Variants in MCTP2 observed in about 807,000 individuals in gnomAD.
The protein encoded by MCTP2 is multiple C2 and transmembrane domain containing 2.
Under a neutral mutation model 111.6 loss-of-function variants are expected in MCTP2, and 132 were observed. The observed-to-expected ratio is 1.18, with a 90% CI of 1.03 to 1.37. The LOEUF is 1.37. Ranked by LOEUF, MCTP2 falls within the 40% of genes most tolerant of loss-of-function variation. The pLI is 0.00. For missense variants in MCTP2, 1,183 were observed against 1,067.9 expected, an observed-to-expected ratio of 1.11 and a Z score of -1.50; for synonymous variants, 395 against 387.7, an observed-to-expected ratio of 1.02 and a Z score of -0.22.
chr15:94,396,344 T>C (rs2081280300), intron 14 of MCTP2, among the ~76,000 whole-genome samples: 1 of 152,162 alleles, frequency 6.6e-6, no homozygotes, highest in African/African-American at 2.4e-5. Flanking sequence ...TTTAATTATG[T>C]CTGTTTAATT....
intron 1 of MCTP2, among the ~76,000 whole-genome samples, chr15:94,256,304 T>C (rs2152274513): frequency 6.6e-6 from 1 of 152,196 alleles, no homozygotes; most frequent in South Asian, 2.1e-4. Flanking sequence ...AGACATCTCA[T>C]TATGTATATG....
chr15:94,448,316 TC>T (rs2152517755), intron 19 of MCTP2, among the ~76,000 whole-genome samples: 1 of 152,300 alleles, frequency 6.6e-6, no homozygotes, highest in East Asian at 1.9e-4. Flanking sequence ...TGATTTCTAT[TC>T]TAAGGATTGT....
chr15:94,422,444 A>G (rs139113424), intron 17 of MCTP2, among the ~76,000 whole-genome samples: 53 of 152,306 alleles, frequency 3.5e-4, no homozygotes, highest in African/African-American at 1.2e-3. Flanking sequence ...AAAATCTTGT[A>G]TTCTCTGTAA....
At chr15:94,338,339 TCTC>T (rs1464404186) in intron 4 of MCTP2, among the ~76,000 whole-genome samples, 1 of 152,172 alleles carries the variant, frequency 6.6e-6, no homozygotes, top group African/African-American at 2.4e-5. Flanking sequence ...CCTTCGTTTA[TCTC>T]CTCATTGATT....
chr15:94,445,494 T>C (rs1209361954), intron 19 of MCTP2, among the ~76,000 whole-genome samples: 1 of 152,024 alleles, frequency 6.6e-6, no homozygotes, highest in Non-Finnish European at 1.5e-5. Context: ...TCTCTTTTCA[T>C]TCTTCCTTCT....
intron 1 of MCTP2, among the ~76,000 whole-genome samples, chr15:94,257,391 G>A: frequency 6.6e-6 from 1 of 151,882 alleles, no homozygotes; most frequent in Non-Finnish European, 1.5e-5. Context: ...ATTGAAAGGA[G>A]GAATTTTGAG....
chr15:94,441,909 C>T (rs1397050347), intron 18 of MCTP2, among the ~76,000 whole-genome samples: 1 of 152,158 alleles, frequency 6.6e-6, no homozygotes, highest in Non-Finnish European at 1.5e-5. Flanking sequence ...CCATGAGTAC[C>T]ACACAAACTG....
At chr15:94,345,316 C>CCTGGTCTCGA in intron 8 of MCTP2, 152 bp downstream of exon 8, 1 of 734,684 alleles carries the variant, frequency 1.4e-6, no homozygotes, top group Non-Finnish European at 2.2e-6. Context: ...AACAACCTTC[C>CCTGGTCTCGA]TTTAAAAATT....
In MCTP2 at chr15:94,481,362, C is replaced by T. The variant is rs3743299; in HGVS notation, c.*2328C>T. On this transcript the variant is annotated 3_prime_UTR_variant, in exon 23 of 23. Coordinates refer to ENST00000357742, the MANE Select transcript of MCTP2 (RefSeq NM_001385001.1). ...GGCATTTTCTGGGCTTGGAATTTCT[C>T]GGTCATCCTCTTTTTTTTTGTTCCT... 0.13 allele frequency: 19,087 copies of T among 152,312 alleles called. 1,530 individuals carry two copies. The highest frequency in any genetic ancestry group is 0.28 in the Middle Eastern group (84 of 298). 9.4% of individuals were successfully genotyped at this position (152,312 alleles called of 1,614,324 possible).
chr15:94,402,532 C>G (rs757131026), intron 17 of MCTP2: 6 of 1,551,660 alleles, frequency 3.9e-6, no homozygotes, highest in Non-Finnish European at 8.7e-7. Flanking sequence ...ACCCTTTTCT[C>G]TGGTGACATT....
rs549055263 is a variant in MCTP2 at position 94,412,016 on chromosome 15, T to A, written c.2085+9997T>A. 5.9e-5 allele frequency among the ~76,000 whole-genome samples: 9 copies of A among 152,274 alleles called. No individual in the cohort carries two copies. In the South Asian group the frequency reaches 8.3e-4, roughly 14 times the overall value. The stretch of plus-strand genomic sequence containing the variant: ...ACAGAAATATACTTGTGGGCCCCAT[T>A]GGTGTTAGGCAAGACCCAACAGCTG... On this transcript the variant is annotated intron_variant, in intron 17 of 22. Transcript: ENST00000357742.
At chr15:94,394,729 C>T (rs980380552) in intron 14 of MCTP2, among the ~76,000 whole-genome samples, 2 of 151,976 alleles carry the variant, frequency 1.3e-5, no homozygotes, top group Non-Finnish European at 2.9e-5. Context: ...CACGCCACTG[C>T]ACTCCAGCCT....
chr15:94,323,633 GTTA>G (rs2076721853), intron 4 of MCTP2, among the ~76,000 whole-genome samples: 1 of 152,166 alleles, frequency 6.6e-6, no homozygotes, highest in Non-Finnish European at 1.5e-5. Flanking sequence ...TATTATTACT[GTTA>G]TTATTTATTG....
intron 7 of MCTP2, chr15:94,342,412 C>G (rs1245751786): frequency 6.6e-6 from 1 of 151,956 alleles, no homozygotes; most frequent in Admixed American, 6.6e-5. Context: ...AGCCATATTT[C>G]CTCTTAGTGT....
chr15:94,313,222 A>G (rs1488820126), intron 2 of MCTP2, among the ~76,000 whole-genome samples: 1 of 152,128 alleles, frequency 6.6e-6, no homozygotes, highest in Non-Finnish European at 1.5e-5. Flanking sequence ...TCTGCCTCTC[A>G]TTGCAGGCAG....
intron 17 of MCTP2, among the ~76,000 whole-genome samples, chr15:94,409,453 A>AAT (rs956879940): frequency 6.6e-5 from 10 of 151,886 alleles, no homozygotes; most frequent in Non-Finnish European, 1.0e-4. Context: ...CTCAAATATG[A>AAT]ATATATATAT....
intron 8 of MCTP2, among the ~76,000 whole-genome samples, chr15:94,350,411 AACCCTGTCTCT>A (rs2078241724): frequency 1.3e-5 from 2 of 152,320 alleles, no homozygotes; most frequent in South Asian, 4.1e-4. Context: ...AACATGGTGA[AACCCTGTCTCT>A]ACTAAAAATA....
At chr15:94,442,214 G>C (rs2083822403) in intron 18 of MCTP2, among the ~76,000 whole-genome samples, 1 of 152,128 alleles carries the variant, frequency 6.6e-6, no homozygotes, top group Non-Finnish European at 1.5e-5. Flanking sequence ...ATTTGATTAT[G>C]TACCAACAGA....
intron 1 of MCTP2, among the ~76,000 whole-genome samples, chr15:94,251,608 C>T (rs1040870633): frequency 6.6e-6 from 1 of 152,164 alleles, no homozygotes; most frequent in African/African-American, 2.4e-5. Flanking sequence ...ATCCACCTGC[C>T]TCGGCCTCCC....
Sources: allele counts gnomAD v4.1 joint callset (sites outside exome capture counted in the v4.1 genomes callset), GRCh38; gene constraint gnomAD v4.1.1; transcripts MANE v1.5; gene names NCBI Gene and HGNC (gene_info 2026-07-23, HGNC 2026-07-21).